The following TRPC5 variants were observed in gnomAD, a reference collection of about 807,000 sequenced individuals.
TRPC5 encodes short transient receptor potential channel 5.
In TRPC5, 9 loss-of-function variants were observed where a neutral mutation model predicts 56.5. That is an observed-to-expected ratio of 0.16 (90% CI 0.10 to 0.28). TRPC5 has a LOEUF of 0.28. Ranked by LOEUF, TRPC5 falls within the 10% of genes least tolerant of loss-of-function variation. TRPC5 has a pLI of 1.00. For synonymous variants in TRPC5, 282 were observed against 278.5 expected, an observed-to-expected ratio of 1.01 and a Z score of -0.13; for missense variants, 469 against 748.9, an observed-to-expected ratio of 0.63 and a Z score of 4.36.
chrX:112,034,842 A>T (rs1231820794), intron 1 of TRPC5, among the ~76,000 whole-genome samples: 10 of 106,983 alleles, frequency 9.3e-5, no homozygotes, highest in Non-Finnish European at 1.7e-4. Flanking sequence ...TGATTTTTTC[A>T]TTAATATCTC....
intron 2 of TRPC5, among the ~76,000 whole-genome samples, chrX:111,930,397 T>C (rs5942758): frequency 0.27 from 29,731 of 110,009 alleles, 5,018 homozygotes; most frequent in African/African-American, 0.63. Flanking sequence ...TGTAACAAAC[T>C]TGCACATTCT....
intron 3 of TRPC5, among the ~76,000 whole-genome samples, chrX:111,881,002 G>A (rs747414672): frequency 9.0e-5 from 10 of 111,501 alleles, no homozygotes; most frequent in Non-Finnish European, 1.5e-4. Flanking sequence ...TTACACTCCC[G>A]TTACTGCAAT....
At chrX:111,872,144 C>T (rs1398074259) in intron 3 of TRPC5, among the ~76,000 whole-genome samples, 1 of 112,360 alleles carries the variant, frequency 8.9e-6, no homozygotes, top group Admixed American at 9.4e-5. Context: ...CTAAATAAAC[C>T]TCTATTCTTT....
At chrX:111,936,380 C>G (rs1270317839) in intron 2 of TRPC5, among the ~76,000 whole-genome samples, 1 of 108,402 alleles carries the variant, frequency 9.2e-6, no homozygotes, top group Non-Finnish European at 1.9e-5. Flanking sequence ...TTTTAGGGTA[C>G]ATGTGCACAA....
chrX:111,975,481 G>T (rs1221521534), intron 1 of TRPC5, among the ~76,000 whole-genome samples: 1 of 110,774 alleles, frequency 9.0e-6, no homozygotes, highest in Non-Finnish European at 1.9e-5. Flanking sequence ...CAACGTGCAG[G>T]TCTGTTACAC....
At chrX:111,969,684 G>T (rs1603123874) in intron 1 of TRPC5, among the ~76,000 whole-genome samples, 2 of 111,227 alleles carry the variant, frequency 1.8e-5, no homozygotes, top group African/African-American at 6.5e-5. Flanking sequence ...TATTATATGT[G>T]GGGTAGGGGT....
At chrX:111,789,102 G>A (rs1945995677) in intron 7 of TRPC5, among the ~76,000 whole-genome samples, 1 of 111,837 alleles carries the variant, frequency 8.9e-6, no homozygotes, top group Admixed American at 9.5e-5. Context: ...AGCCCACATT[G>A]CCAAAACAAT....
At chrX:111,810,033 G>A (rs1921652768) in intron 7 of TRPC5, among the ~76,000 whole-genome samples, 1 of 109,900 alleles carries the variant, frequency 9.1e-6, no homozygotes, top group Non-Finnish European at 1.9e-5. Flanking sequence ...TCCTGCCTCA[G>A]CATCCCGAGT....
chrX:111,885,914 C>T (rs1006571835), intron 3 of TRPC5, among the ~76,000 whole-genome samples: 1 of 111,704 alleles, frequency 9.0e-6, no homozygotes, highest in South Asian at 3.8e-4. Context: ...CTTAAGTGAA[C>T]TAAGGCAAGA....
chrX:111,855,255 C>A (rs1278463335), intron 3 of TRPC5, among the ~76,000 whole-genome samples: 2 of 111,981 alleles, frequency 1.8e-5, no homozygotes, highest in Non-Finnish European at 3.8e-5. Flanking sequence ...CACAGCTGGA[C>A]TACATTACCC....
intron 8 of TRPC5, among the ~76,000 whole-genome samples, chrX:111,781,607 C>G (rs1264829410): frequency 8.9e-6 from 1 of 112,150 alleles, no homozygotes; most frequent in African/African-American, 3.2e-5. Context: ...GTCTGTAATC[C>G]CAGCTACTTG....
chrX:111,882,364 T>G (rs1924266364), intron 3 of TRPC5, among the ~76,000 whole-genome samples: 1 of 112,314 alleles, frequency 8.9e-6, no homozygotes, highest in South Asian at 3.7e-4. Context: ...GGGTCTTGTC[T>G]CTGACTTCTT....
chrX:111,956,933 A>AT (rs772944254), intron 1 of TRPC5, among the ~76,000 whole-genome samples: 1 of 111,797 alleles, frequency 8.9e-6, no homozygotes, highest in East Asian at 2.8e-4. Context: ...ACCTGCCTAT[A>AT]ACCTTTATCC....
intron 1 of TRPC5, among the ~76,000 whole-genome samples, chrX:112,041,798 A>C (rs1395861774): frequency 8.9e-6 from 1 of 112,161 alleles, no homozygotes; most frequent in African/African-American, 3.2e-5. Flanking sequence ...TGAAAATGAC[A>C]GAAATCTCTG....
chrX:112,069,515 G>C (rs899815112), intron 1 of TRPC5, among the ~76,000 whole-genome samples: 12 of 112,209 alleles, frequency 1.1e-4, no homozygotes, highest in African/African-American at 3.6e-4. Context: ...ATGCTCTCTA[G>C]AGGAAGTCTG....
chrX:111,953,470 A>C (rs1927147216), intron 1 of TRPC5, among the ~76,000 whole-genome samples: 1 of 111,851 alleles, frequency 8.9e-6, no homozygotes, highest in Admixed American at 9.5e-5. Flanking sequence ...TACAGGTAAA[A>C]TTTATACACA....
At chrX:111,815,737 A>G (rs1921841824) in intron 7 of TRPC5, among the ~76,000 whole-genome samples, 1 of 109,664 alleles carries the variant, frequency 9.1e-6, no homozygotes, top group Middle Eastern at 4.7e-3. Context: ...ACACACATAT[A>G]TATATATATA....
At chrX:111,936,925 C>A (rs1419332052) in intron 2 of TRPC5, among the ~76,000 whole-genome samples, 2 of 103,766 alleles carry the variant, frequency 1.9e-5, no homozygotes, top group East Asian at 5.7e-4. Flanking sequence ...ACCACACTGA[C>A]TTCCACAAGG....
intron 1 of TRPC5, among the ~76,000 whole-genome samples, chrX:111,965,781 A>G (rs1927546880): frequency 8.9e-6 from 1 of 111,961 alleles, no homozygotes; most frequent in Admixed American, 9.5e-5. Context: ...TCCAACGAGA[A>G]CAAAGACACA....
Sources: gnomAD v4.1 joint callset for allele counts (sites outside exome capture counted in the v4.1 genomes callset) on GRCh38, gnomAD v4.1.1 for gene constraint, MANE v1.5 for transcripts, NCBI Gene and HGNC (gene_info 2026-07-23, HGNC 2026-07-21) for gene names.